Variants in CDK14 observed in about 807,000 individuals in gnomAD.
The protein encoded by CDK14 is cyclin dependent kinase 14, also known as cyclin-dependent kinase 14.
CDK14 carries 34 observed loss-of-function variants against 60.7 expected under a neutral mutation model. That is an observed-to-expected ratio of 0.56 (90% CI 0.43 to 0.75). The LOEUF (loss-of-function observed/expected upper bound fraction) is 0.75, where lower values mean the gene tolerates loss of function less well. Among genes scored for constraint, CDK14 ranks in the 30% least tolerant of loss-of-function variants. The pLI, the probability that CDK14 is intolerant of heterozygous loss-of-function variation, is 0.00. For missense variants in CDK14, 482 were observed against 564.1 expected (o/e 0.85, Z 1.47); for synonymous variants, 197 against 203.7 (o/e 0.97, Z 0.28).
At chr7:90,744,435 C>A (rs979488055) in intron 3 of CDK14, among the ~76,000 whole-genome samples, 1 of 152,240 alleles carries the variant, frequency 6.6e-6, no homozygotes. Flanking sequence ...CGGCAACCAT[C>A]TGATTTCTCA....
intron 14 of CDK14, among the ~76,000 whole-genome samples, chr7:91,176,684 T>C (rs1035245547): frequency 6.6e-6 from 1 of 151,994 alleles, no homozygotes; most frequent in Admixed American, 6.6e-5. Flanking sequence ...CAAACACCTC[T>C]ATGCAAATAA....
intron 2 of CDK14, among the ~76,000 whole-genome samples, chr7:90,721,418 T>A (rs1802447515): frequency 6.6e-6 from 1 of 152,222 alleles, no homozygotes; most frequent in Non-Finnish European, 1.5e-5. Flanking sequence ...CAGCAACTCA[T>A]CTTGTTCTAT....
chr7:90,789,083 CT>C (rs1295266594), intron 4 of CDK14, among the ~76,000 whole-genome samples: 3 of 152,132 alleles, frequency 2.0e-5, no homozygotes, highest in Non-Finnish European at 2.9e-5. Context: ...AGGAATTTAA[CT>C]TACGGACATA....
chr7:90,916,049 G>C (rs1249136515), intron 7 of CDK14, among the ~76,000 whole-genome samples: 2 of 152,244 alleles, frequency 1.3e-5, no homozygotes, highest in East Asian at 3.9e-4. Flanking sequence ...TATGTGGTTT[G>C]CCTTCGTGTT....
chr7:90,933,443 C>G (rs145635414), intron 8 of CDK14, among the ~76,000 whole-genome samples: 2,440 of 152,202 alleles, frequency 0.016, 21 homozygotes, highest in Non-Finnish European at 0.022. Context: ...AGGGTAAGCA[C>G]TTTGCCTGTA....
chr7:90,917,478 G>T, intron 7 of CDK14, 123 bp from the exon 8 acceptor site: 3 of 751,844 alleles, frequency 4.0e-6, no homozygotes, highest in East Asian at 2.6e-5. Flanking sequence ...AAATAATTTG[G>T]TAGAAAATTT....
At chr7:91,119,785 T>C (rs1379622327) in intron 14 of CDK14, among the ~76,000 whole-genome samples, 2 of 152,172 alleles carry the variant, frequency 1.3e-5, no homozygotes, top group African/African-American at 2.4e-5. Flanking sequence ...CCAGATAAAG[T>C]ATGATGTATA....
chr7:90,877,940 G>A (rs1389177324), intron 6 of CDK14, among the ~76,000 whole-genome samples: 1 of 152,030 alleles, frequency 6.6e-6, no homozygotes, highest in East Asian at 1.9e-4. Flanking sequence ...TGAATGAGCT[G>A]GATGAGCAGC....
intron 4 of CDK14, among the ~76,000 whole-genome samples, chr7:90,765,809 T>TATA: frequency 6.6e-6 from 1 of 152,150 alleles, no homozygotes; most frequent in South Asian, 2.1e-4. Flanking sequence ...TGGGGAATAA[T>TATA]CGAGTATGTA....
intron 2 of CDK14, among the ~76,000 whole-genome samples, chr7:90,613,409 G>A (rs114336202): frequency 8.5e-4 from 130 of 152,286 alleles, no homozygotes; most frequent in African/African-American, 3.0e-3. Context: ...GAATTCATTT[G>A]TTGAAAGCTG....
chr7:90,993,696 AATAAT>A (rs1199163474), intron 10 of CDK14, among the ~76,000 whole-genome samples: 8 of 152,206 alleles, frequency 5.3e-5, no homozygotes, highest in African/African-American at 1.9e-4. Context: ...ATGCTGGTGA[AATAAT>A]AAATGATTTG....
intron 2 of CDK14, among the ~76,000 whole-genome samples, chr7:90,698,852 A>G (rs926125113): frequency 2.6e-5 from 4 of 152,168 alleles, no homozygotes; most frequent in East Asian, 1.9e-4. Flanking sequence ...ATACTTCATT[A>G]TGTAACCATG....
intron 14 of CDK14, among the ~76,000 whole-genome samples, chr7:91,189,674 G>A (rs1562988474): frequency 6.6e-6 from 1 of 152,154 alleles, no homozygotes; most frequent in Non-Finnish European, 1.5e-5. Context: ...GTAGAATGCT[G>A]TAAAGAGTGT....
intron 14 of CDK14, among the ~76,000 whole-genome samples, chr7:91,147,180 A>C (rs866626131): frequency 1.9e-5 from 2 of 107,088 alleles, no homozygotes; most frequent in East Asian, 2.1e-4. Context: ...ACACACACAC[A>C]CACACACACA....
intron 12 of CDK14, among the ~76,000 whole-genome samples, chr7:91,099,911 G>A (rs557873982): frequency 6.6e-6 from 1 of 152,188 alleles, no homozygotes; most frequent in African/African-American, 2.4e-5. Context: ...AGACTTTTAA[G>A]TATTCTGCAA....
chr7:90,999,829 T>C (rs1795792284), intron 10 of CDK14, among the ~76,000 whole-genome samples: 1 of 152,182 alleles, frequency 6.6e-6, no homozygotes, highest in Admixed American at 6.5e-5. Flanking sequence ...CCTTCTACTC[T>C]TGAGTTTTAA....
intron 4 of CDK14, among the ~76,000 whole-genome samples, chr7:90,775,625 C>CCCCCTCCCCTT (rs1804996692): frequency 2.0e-5 from 1 of 49,544 alleles, no homozygotes; most frequent in African/African-American, 7.8e-5. Context: ...ACCTCCTCCT[C>CCCCCTCCCCTT]CCCCTCCCCC....
chr7:91,188,871 A>G (rs1336726186), intron 14 of CDK14, among the ~76,000 whole-genome samples: 1 of 152,218 alleles, frequency 6.6e-6, no homozygotes, highest in Non-Finnish European at 1.5e-5. Context: ...AGAAGAGGAT[A>G]AAATAAAATC....
chr7:90,796,201 G>A (rs1283079708), intron 5 of CDK14, among the ~76,000 whole-genome samples: 1 of 152,114 alleles, frequency 6.6e-6, no homozygotes, highest in Non-Finnish European at 1.5e-5. Context: ...GGGTTAGAGA[G>A]CCTCTGAAGA....
Sources: allele counts gnomAD v4.1 joint callset (sites outside exome capture counted in the v4.1 genomes callset), GRCh38; gene constraint gnomAD v4.1.1; transcripts MANE v1.5; gene names NCBI Gene and HGNC (gene_info 2026-07-23, HGNC 2026-07-21).